SNX2: variants seen among roughly 807,000 people sequenced by gnomAD.
SNX2 encodes the protein sorting nexin-2.
Under a neutral mutation model 69.9 loss-of-function variants are expected in SNX2, and 25 were observed. That is an observed-to-expected ratio of 0.36 (90% CI 0.26 to 0.50). The LOEUF (loss-of-function observed/expected upper bound fraction) is 0.50, where lower values mean the gene tolerates loss of function less well. Ranked by LOEUF, SNX2 falls within the 20% of genes least tolerant of loss-of-function variation. The probability of loss-of-function intolerance (pLI) is 0.97; values close to 1 mark genes in which losing one functional copy is unlikely to be tolerated. For missense variants in SNX2, 551 were observed against 613.3 expected, an observed-to-expected ratio of 0.90 and a Z score of 1.07; for synonymous variants, 229 against 200.4, an observed-to-expected ratio of 1.14 and a Z score of -1.20.
intron 11 of SNX2, among the ~76,000 whole-genome samples, chr5:122,825,480 T>C (rs1299628785): frequency 6.6e-6 from 1 of 152,048 alleles, no homozygotes; most frequent in Non-Finnish European, 1.5e-5. Flanking sequence ...ATATAAAAAA[T>C]ATATATAGTC....
chr5:122,815,776 T>G, intron 7 of SNX2, 120 bp from the exon 8 acceptor site: 1 of 469,872 alleles, frequency 2.1e-6, no homozygotes, highest in Non-Finnish European at 3.8e-6. Context: ...ACAGTGAGAG[T>G]AGTCTAATAC....
intron 6 of SNX2, among the ~76,000 whole-genome samples, chr5:122,806,129 TAC>T (rs1178090025): frequency 5.7e-4 from 14 of 24,576 alleles, no homozygotes; most frequent in Admixed American, 3.2e-3. Flanking sequence ...TGTATATATA[TAC>T]ACACGCGCGC....
At chr5:122,779,150 A>T (rs940719719) in intron 1 of SNX2, among the ~76,000 whole-genome samples, 44 of 152,344 alleles carry the variant, frequency 2.9e-4, no homozygotes, top group African/African-American at 1.1e-3. Flanking sequence ...TTTTAAAAAC[A>T]TCTGTGTTGA....
chr5:122,809,668 C>G (rs1753726239), intron 7 of SNX2, among the ~76,000 whole-genome samples: 1 of 151,866 alleles, frequency 6.6e-6, no homozygotes, highest in Non-Finnish European at 1.5e-5. Flanking sequence ...TAGCACAGGT[C>G]TTGGGGGTGG....
chr5:122,789,462 CAG>C (rs1491232223), intron 1 of SNX2, among the ~76,000 whole-genome samples: 45,383 of 133,188 alleles, frequency 0.34, 7,241 homozygotes, highest in Admixed American at 0.4. Flanking sequence ...CACACACACA[CAG>C]ACACACACGG....
At chr5:122,814,180 C>A (rs1483690402) in intron 7 of SNX2, among the ~76,000 whole-genome samples, 1 of 152,148 alleles carries the variant, frequency 6.6e-6, no homozygotes, top group Non-Finnish European at 1.5e-5. Context: ...AGATGAGCAA[C>A]TTATGCAAAC....
At chr5:122,794,248 T>G (rs940565484) in intron 1 of SNX2, among the ~76,000 whole-genome samples, 5 of 151,652 alleles carry the variant, frequency 3.3e-5, no homozygotes, top group African/African-American at 9.7e-5. Context: ...GAGGTGGAGG[T>G]TGCAGTGAGC....
At chr5:122,806,116 G>GTGTGTGCGCGCGCACGCGCGCGCGCA (rs1561460923) in intron 6 of SNX2, among the ~76,000 whole-genome samples, 1 of 104,122 alleles carries the variant, frequency 9.6e-6, no homozygotes, top group African/African-American at 3.4e-5. Context: ...GTGTGTGCGT[G>GTGTGTGCGCGCGCACGCGCGCGCGCA]TGTGTATATA....
chr5:122,806,142 G>GCGCACGCCCACACACACACACACA, intron 6 of SNX2, among the ~76,000 whole-genome samples: 1 of 130,584 alleles, frequency 7.7e-6, no homozygotes. Context: ...ACACGCGCGC[G>GCGCACGCCCACACACACACACACA]CACACACACA....
At chr5:122,798,024 A>G (rs987933225) in intron 2 of SNX2, among the ~76,000 whole-genome samples, 1 of 152,180 alleles carries the variant, frequency 6.6e-6, no homozygotes, top group Non-Finnish European at 1.5e-5. Flanking sequence ...TAAAGTTACT[A>G]TCTCTCACAA....
Position 122,786,966 on chromosome 5 carries a change from A to G in SNX2, c.109-8300A>G, listed in dbSNP as rs549342113. Among the ~76,000 whole-genome samples, 5 of 152,280 alleles carry G rather than the reference A, an allele frequency of 3.3e-5. No homozygotes were observed. The South Asian group carries it at 1.0e-3, about 32-fold the overall frequency. On this transcript the variant is annotated intron_variant, in intron 1 of 14. Coordinates refer to ENST00000379516, the MANE Select transcript of SNX2 (RefSeq NM_003100.4). ...ACCAGGTGATGGTGTGGGGGAATAA[A>G]GGAATATTCATTTATTAAGAATACA... is the stretch of plus-strand genomic sequence containing the variant.
chr5:122,806,171 C>CT (rs1477439641), intron 6 of SNX2, among the ~76,000 whole-genome samples: 124 of 147,958 alleles, frequency 8.4e-4, no homozygotes, highest in Non-Finnish European at 1.1e-3. Flanking sequence ...CACACACAGC[C>CT]CACCATTCCA....
chr5:122,793,538 G>A (rs974523648), intron 1 of SNX2, among the ~76,000 whole-genome samples: 3 of 152,236 alleles, frequency 2.0e-5, no homozygotes, highest in East Asian at 3.9e-4. Flanking sequence ...GGTATGTTGA[G>A]TTTTTGAAAC....
rs761127849 is a variant in SNX2 at position 122,827,329 on chromosome 5, A to G, written c.1357-50A>G. 8 of 1,467,786 alleles carry G rather than the reference A, an allele frequency of 5.5e-6. No individual in the cohort carries two copies. The East Asian group carries it at 9.1e-5, about 17-fold the overall frequency. 90.9% of individuals were successfully genotyped at this position (1,467,786 alleles called of 1,614,324 possible). A position where few individuals can be genotyped will look rare whatever the true frequency, so the allele number is the denominator to read the frequency against. The stretch of plus-strand genomic sequence containing the variant: ...AAATTAAGTGAGTGGTCTTGACAGT[A>G]CTATACTTTTTTTTGAGATAAGCAT... On this transcript the variant is annotated intron_variant, in intron 12 of 14. Coordinates refer to ENST00000379516, the MANE Select transcript of SNX2 (RefSeq NM_003100.4).
In SNX2 at chr5:122,832,818, T is replaced by C. The variant is rs1754322945; in HGVS notation, c.*3170T>C. On this transcript the variant is annotated 3_prime_UTR_variant, in exon 15 of 15. Coordinates refer to ENST00000379516, the MANE Select transcript of SNX2 (RefSeq NM_003100.4). ...AATAAGGGATGTTACTTCAGTTTTCTTGTCATGGCTCCCTGCATGGGCAGT... is the reference window on the plus strand; with the variant it reads ...AATAAGGGATGTTACTTCAGTTTTCCTGTCATGGCTCCCTGCATGGGCAGT... 6.6e-6 allele frequency: 1 copy of C among 152,222 alleles called. No homozygotes were observed. The highest frequency in any genetic ancestry group is 1.5e-5 in the Non-Finnish European group (1 of 68,036). The allele number at this position is 152,222 out of a possible 1,614,324, so 9.4% of individuals were successfully genotyped here. A position where few individuals can be genotyped will look rare whatever the true frequency, so the allele number is the denominator to read the frequency against.
rs1363324860 is a variant in SNX2 at position 122,779,089 on chromosome 5, T to C, written c.108+3878T>C. Among the ~76,000 whole-genome samples the C allele has an allele frequency of 2.6e-5, 4 of 152,188 alleles. No individual in the cohort carries two copies. The East Asian group carries it at 7.7e-4, about 29-fold the overall frequency. On this transcript the variant is annotated intron_variant, in intron 1 of 14. Transcript: ENST00000379516. ...ATACAGTTTTGCATGGAGTAGTAGA[T>C]AGTACGTTTTAAAAAAAAGGTCAGG...
chr5:122,826,253 A>C, intron 12 of SNX2, 60 bp downstream of exon 12: 1 of 1,367,060 alleles, frequency 7.3e-7, no homozygotes, highest in East Asian at 2.6e-5. Context: ...TCATATATAC[A>C]TAATTTTTCA....
chr5:122,790,642 T>A (rs143493997), intron 1 of SNX2, among the ~76,000 whole-genome samples: 42 of 152,250 alleles, frequency 2.8e-4, no homozygotes, highest in South Asian at 6.2e-4. Context: ...CAGTTCACTT[T>A]GGTTGGGCAG....
At chr5:122,814,948 A>C (rs967041200) in intron 7 of SNX2, among the ~76,000 whole-genome samples, 1 of 151,732 alleles carries the variant, frequency 6.6e-6, no homozygotes, top group Non-Finnish European at 1.5e-5. Flanking sequence ...ATGGGGTTTC[A>C]CCATCTTGGC....
Sources: gnomAD v4.1 joint callset for allele counts (sites outside exome capture counted in the v4.1 genomes callset) on GRCh38, gnomAD v4.1.1 for gene constraint, MANE v1.5 for transcripts, NCBI Gene and HGNC (gene_info 2026-07-23, HGNC 2026-07-21) for gene names.